The following DNAH5 variants were observed in gnomAD, a reference collection of about 807,000 sequenced individuals.
DNAH5 encodes the protein dynein axonemal heavy chain 5.
A neutral mutation model predicts 518.2 loss-of-function variants in DNAH5; 372 were observed. The observed-to-expected ratio is 0.72, with a 90% CI of 0.66 to 0.78. The LOEUF (loss-of-function observed/expected upper bound fraction) is 0.78, where lower values mean the gene tolerates loss of function less well. DNAH5 is among the 30% of genes least tolerant of loss of function. The pLI, the probability that DNAH5 is intolerant of heterozygous loss-of-function variation, is 0.00. For synonymous variants in DNAH5, 2,039 were observed against 2,025.9 expected, an observed-to-expected ratio of 1.01 and a Z score of -0.17; for missense variants, 5,523 against 5,687.0, an observed-to-expected ratio of 0.97 and a Z score of 0.93.
At chr5:13,924,252 T>A (rs1033079984) in intron 3 of DNAH5, among the ~76,000 whole-genome samples, 4 of 152,176 alleles carry the variant, frequency 2.6e-5, no homozygotes, top group African/African-American at 7.2e-5. Context: ...GACCACTTAA[T>A]GATTAACAAT....
intron 50 of DNAH5, among the ~76,000 whole-genome samples, chr5:13,789,657 T>C (rs1756637892): frequency 6.6e-6 from 1 of 152,220 alleles, no homozygotes; most frequent in African/African-American, 2.4e-5. Flanking sequence ...TGAAGTATAT[T>C]CAATGATTCA....
intron 14 of DNAH5, chr5:13,900,688 C>G (rs891737744): frequency 8.5e-6 from 4 of 471,850 alleles, no homozygotes; most frequent in Non-Finnish European, 1.5e-5. Flanking sequence ...GGTGGCGTCT[C>G]AAAAGCCATT....
chr5:13,874,062 G>T (rs886947522), intron 22 of DNAH5, among the ~76,000 whole-genome samples: 3 of 152,074 alleles, frequency 2.0e-5, no homozygotes, highest in Non-Finnish European at 4.4e-5. Flanking sequence ...CGAGCCTCAG[G>T]TTCAATGGAT....
intron 55 of DNAH5, among the ~76,000 whole-genome samples, chr5:13,772,603 T>C (rs1034247280): frequency 2.0e-5 from 3 of 152,224 alleles, no homozygotes; most frequent in South Asian, 2.1e-4. Context: ...TTTTACAACA[T>C]AAAGCATATT....
chr5:13,948,361 A>C (rs1009178823), upstream of DNAH5, among the ~76,000 whole-genome samples: 7 of 152,162 alleles, frequency 4.6e-5, no homozygotes, highest in Non-Finnish European at 1.0e-4. Context: ...TAAGAAAGCA[A>C]TGAAGCCTAG....
At chr5:13,824,129 A>C in intron 39 of DNAH5, 70 bp downstream of exon 39, 1 of 1,416,752 alleles carries the variant, frequency 7.1e-7, no homozygotes, top group Non-Finnish European at 1.0e-6. Flanking sequence ...AATATTTTGA[A>C]GTCTCATGTA....
intron 71 of DNAH5, among the ~76,000 whole-genome samples, chr5:13,719,895 C>CTATCCATATGGTA (rs1744814291): frequency 6.6e-6 from 1 of 152,100 alleles, no homozygotes; most frequent in Admixed American, 6.5e-5. Flanking sequence ...TATATTTTGC[C>CTATCCATATGGTA]TGAATTATAC....
chr5:13,885,278 T>C (rs759455978), intron 18 of DNAH5, 50 bp from the exon 19 acceptor site: 4 of 1,600,324 alleles, frequency 2.5e-6, no homozygotes, highest in South Asian at 2.2e-5. Flanking sequence ...GATGGATGGA[T>C]GGATAGATAG....
chr5:13,993,546 G>C lies in DNAH5; in HGVS notation c.12+18102C>G, dbSNP rs555496458. Among the ~76,000 whole-genome samples the C allele has an allele frequency of 9.1e-4, 139 of 152,274 alleles. 1 individual carries two copies. Among genetic ancestry groups the C allele is most frequent in the African/African-American group, 3.3e-3 (137 of 41,560 alleles). Reference sequence around the variant, plus strand: ...AATTTAGTCATGAAAAGATCATACGGTTAATATGTAAGTGTAATTGCCCTA... The same window carrying C: ...AATTTAGTCATGAAAAGATCATACGCTTAATATGTAAGTGTAATTGCCCTA... On this transcript the variant is annotated intron_variant, in intron 1 of 78. Transcript: ENST00000681290.
rs1243397537 is a variant in DNAH5, at chr5:13,917,230, G to T, written c.1002C>A (p.Ile334=). The T allele has an allele frequency of 1.2e-6, 2 of 1,613,786 alleles. No homozygotes were observed. The highest frequency in any genetic ancestry group is 1.7e-6 in the Non-Finnish European group (2 of 1,179,914). The change falls in exon 8 of 79, where the codon ATC becomes ATA. Residue 334 remains isoleucine (I), a synonymous_variant. Transcript: ENST00000265104. ...LKTWREMDIR[I]TDATNEAKDN... ...CCTTTGCTTCATTAGTTGCATCAGT[G>T]ATTCGAATATCCATCTCCCGCCAAG...
At chr5:13,906,853 T>C (rs1323161860) in intron 12 of DNAH5, among the ~76,000 whole-genome samples, 1 of 152,170 alleles carries the variant, frequency 6.6e-6, no homozygotes, top group Non-Finnish European at 1.5e-5. Flanking sequence ...ATATAGACTT[T>C]CATGCACCTA....
chr5:13,696,112 T>C (rs936777130), intron 78 of DNAH5, among the ~76,000 whole-genome samples: 3 of 152,196 alleles, frequency 2.0e-5, no homozygotes, highest in South Asian at 2.1e-4. Context: ...TGTTCTTAGA[T>C]ACACTTTTTC....
intron 1 of DNAH5, among the ~76,000 whole-genome samples, chr5:13,967,830 T>G (rs1211820540): frequency 7.5e-6 from 1 of 133,690 alleles, no homozygotes; most frequent in African/African-American, 2.5e-5. Context: ...ATTTTACGAT[T>G]GCTTTTTCCA....
intron 55 of DNAH5, among the ~76,000 whole-genome samples, chr5:13,775,075 T>C (rs990119699): frequency 2.6e-5 from 4 of 151,982 alleles, no homozygotes; most frequent in Non-Finnish European, 4.4e-5. Context: ...TTTGTTCTTT[T>C]TATTAATTTC....
In DNAH5 at chr5:13,714,556, T is replaced by G; in HGVS notation, c.12974A>C (p.Gln4325Pro). 1 of 1,614,180 alleles carries G rather than the reference T, an allele frequency of 6.2e-7. No individual in the cohort carries two copies. Among genetic ancestry groups the G allele is most frequent in the African/African-American group, 1.3e-5 (1 of 75,060 alleles). The change falls in exon 75 of 79, where the codon CAG (glutamine) becomes CCG (proline). Residue 4325 changes from glutamine to proline, a missense_variant. This residue lies in a region of DNAH5 where 387 missense variants were observed against 430.0 expected (regional missense o/e 0.90). Coordinates refer to ENST00000265104, the MANE Select transcript of DNAH5 (RefSeq NM_001369.3). The part of the protein sequence containing the change: ...GLHPNADITY[Q>P]SKLAKDVLDT... ...CAGCACGTCCTTGGCCAGCTTGCTC[T>G]GGTAGGTGATGTCAGCATTGGGGTG...
In DNAH5 at chr5:13,764,302, C is replaced by T. The variant is rs970567285; in HGVS notation, c.10102-1401G>A. ...AGAATTTCTGTTTATCAAAAGACAC[C>T]ATTAATCGAGGGAACAACTAACGCC... On this transcript the variant is annotated intron_variant, in intron 59 of 78. Transcript: ENST00000265104. Among the ~76,000 whole-genome samples the T allele has an allele frequency of 2.0e-5, 3 of 152,192 alleles. No homozygotes were observed. In the East Asian group the frequency reaches 5.8e-4, roughly 29 times the overall value.
At chr5:13,769,174 G>T in intron 57 of DNAH5, 38 bp from the exon 58 acceptor site, 1 of 1,597,172 alleles carries the variant, frequency 6.3e-7, no homozygotes, top group Non-Finnish European at 8.6e-7. Flanking sequence ...TCACCAAACA[G>T]TATTAAACAT....
chr5:13,723,721 C>A (rs1394520277), intron 70 of DNAH5, among the ~76,000 whole-genome samples: 1 of 152,122 alleles, frequency 6.6e-6, no homozygotes, highest in Non-Finnish European at 1.5e-5. Flanking sequence ...TCACTTATCA[C>A]AAAATATTAG....
At chr5:13,867,250 T>C (rs1202699300) in intron 25 of DNAH5, among the ~76,000 whole-genome samples, 1 of 152,178 alleles carries the variant, frequency 6.6e-6, no homozygotes, top group Non-Finnish European at 1.5e-5. Flanking sequence ...AAATCTCATC[T>C]TGAATTGTAA....
Sources: allele counts gnomAD v4.1 joint callset (sites outside exome capture counted in the v4.1 genomes callset), GRCh38; gene constraint gnomAD v4.1.1; regional missense constraint gnomAD v4.1.1; transcripts MANE v1.5; gene names NCBI Gene and HGNC (gene_info 2026-07-23, HGNC 2026-07-21).